Variants in CWC27 observed in about 807,000 individuals in gnomAD.
CWC27 encodes spliceosome-associated protein CWC27 homolog.
CWC27 carries 47 observed loss-of-function variants against 63.6 expected under a neutral mutation model. The observed-to-expected ratio is 0.74, with a 90% CI of 0.58 to 0.94. The LOEUF (loss-of-function observed/expected upper bound fraction) is 0.94. Among genes scored for constraint, CWC27 ranks in the 40% least tolerant of loss-of-function variants. CWC27 has a pLI of 0.00. For missense variants in CWC27, 495 were observed against 554.3 expected (o/e 0.89, Z 1.07); for synonymous variants, 175 against 179.8 (o/e 0.97, Z 0.22).
chr5:65,016,448 C>T (rs1162287587), intron 13 of CWC27, among the ~76,000 whole-genome samples: 1 of 151,740 alleles, frequency 6.6e-6, no homozygotes, highest in African/African-American at 2.4e-5. Context: ...CCATCTGGGG[C>T]AACATAGCAA....
rs536181345 is a variant in CWC27 at position 64,800,215 on chromosome 5, C to T, written c.670-33C>T. The T allele has an allele frequency of 9.4e-6, 13 of 1,378,360 alleles. No individual in the cohort carries two copies. In the East Asian group the frequency reaches 2.4e-4, roughly 25 times the overall value. The allele number at this position is 1,378,360 out of a possible 1,614,324, so 85.4% of individuals were successfully genotyped here. A position where few individuals can be genotyped will look rare whatever the true frequency, so the allele number is the denominator to read the frequency against. On this transcript the variant is annotated intron_variant, in intron 7 of 13. Transcript: ENST00000381070. Reference sequence around the variant, plus strand: ...GTTATTTAGGAATACTGTTTATTTCCCCCCTCATGATTATATTGTACATTC... The same window carrying T: ...GTTATTTAGGAATACTGTTTATTTCTCCCCTCATGATTATATTGTACATTC...
chr5:64,808,050 T>C, intron 10 of CWC27: 1 of 1,320,964 alleles, frequency 7.6e-7, no homozygotes, highest in Non-Finnish European at 9.7e-7. Context: ...TTGTCTCTTT[T>C]CTCTTGAGAC....
At chr5:64,953,990 A>G (rs1748757568) in intron 11 of CWC27, among the ~76,000 whole-genome samples, 1 of 152,174 alleles carries the variant, frequency 6.6e-6, no homozygotes, top group Non-Finnish European at 1.5e-5. Flanking sequence ...CCACTAAAAA[A>G]TTCCTTTCCT....
At chr5:64,844,892 G>A in intron 10 of CWC27, 1 of 456,664 alleles carries the variant, frequency 2.2e-6, no homozygotes, top group Non-Finnish European at 4.4e-6. Context: ...ATTTCTAAGG[G>A]GTACAGCTTC....
At chr5:64,980,152 T>C (rs1272948157) in intron 13 of CWC27, among the ~76,000 whole-genome samples, 1 of 152,204 alleles carries the variant, frequency 6.6e-6, no homozygotes, top group East Asian at 1.9e-4. Context: ...CTAGGATTCC[T>C]CCTTTGTTCA....
At chr5:64,828,037 G>A (rs552429033) in intron 10 of CWC27, among the ~76,000 whole-genome samples, 6 of 152,172 alleles carry the variant, frequency 3.9e-5, no homozygotes, top group Admixed American at 2.0e-4. Context: ...TATACTATGC[G>A]TGCTTTCCGC....
At chr5:64,805,146 T>C (rs528242125) in intron 10 of CWC27, among the ~76,000 whole-genome samples, 59 of 152,098 alleles carry the variant, frequency 3.9e-4, no homozygotes, top group African/African-American at 1.3e-3. Context: ...CTCAACCACA[T>C]GTAGAAAAAC....
chr5:64,981,948 A>G (rs572318062), intron 13 of CWC27, among the ~76,000 whole-genome samples: 29 of 152,252 alleles, frequency 1.9e-4, no homozygotes, highest in Middle Eastern at 3.4e-3. Flanking sequence ...CAGTTTTATT[A>G]TTGCACTTTG....
chr5:64,936,611 G>T (rs1322403663), intron 11 of CWC27, among the ~76,000 whole-genome samples: 1 of 152,120 alleles, frequency 6.6e-6, no homozygotes, highest in Non-Finnish European at 1.5e-5. Context: ...ATGCTGGCCT[G>T]ATAAAATGAG....
chr5:64,896,294 T>C lies in CWC27; in HGVS notation c.1042+10748T>C, dbSNP rs545214576. Among the ~76,000 whole-genome samples, 4 of 152,280 alleles carry C rather than the reference T, an allele frequency of 2.6e-5. No individual in the cohort carries two copies. The South Asian group carries it at 8.3e-4, about 32-fold the overall frequency. ...TGTGGACCTTCACCAAAGGAAATTC[T>C]AAAGGATATACTTATGGCAAAAGTT... On this transcript the variant is annotated intron_variant, in intron 11 of 13. Transcript: ENST00000381070.
intron 10 of CWC27, among the ~76,000 whole-genome samples, chr5:64,879,279 T>C (rs1649777522): frequency 6.6e-6 from 1 of 151,976 alleles, no homozygotes; most frequent in Non-Finnish European, 1.5e-5. Context: ...ATTTGTGGTA[T>C]GTCTAGTGGA....
chr5:64,843,071 A>C (rs140661174), intron 10 of CWC27, among the ~76,000 whole-genome samples: 78 of 152,290 alleles, frequency 5.1e-4, no homozygotes, highest in African/African-American at 1.8e-3. Context: ...TTGTGTAAGG[A>C]TTTTTTGATT....
chr5:64,915,558 G>A (rs1182148505), intron 11 of CWC27, among the ~76,000 whole-genome samples: 2 of 152,002 alleles, frequency 1.3e-5, no homozygotes, highest in African/African-American at 4.8e-5. Context: ...CACACAGACA[G>A]GCAAGAGATG....
At chr5:64,909,894 G>T (rs1432305646) in intron 11 of CWC27, among the ~76,000 whole-genome samples, 1 of 152,134 alleles carries the variant, frequency 6.6e-6, no homozygotes, top group Non-Finnish European at 1.5e-5. Context: ...GCTCAGAGAA[G>T]TTTGTTATTA....
intron 13 of CWC27, among the ~76,000 whole-genome samples, chr5:64,986,088 T>C (rs991976631): frequency 1.3e-5 from 2 of 152,060 alleles, no homozygotes; most frequent in Non-Finnish European, 2.9e-5. Context: ...CATTTCTCTC[T>C]CCTGCCACCA....
At chr5:64,976,532 TTTTA>T (rs950088889) in intron 12 of CWC27, among the ~76,000 whole-genome samples, 2 of 151,898 alleles carry the variant, frequency 1.3e-5, no homozygotes, top group African/African-American at 4.8e-5. Flanking sequence ...TTTTATTTTA[TTTTA>T]TTTATTTATT....
intron 10 of CWC27, among the ~76,000 whole-genome samples, chr5:64,858,226 G>T (rs192757020): frequency 6.8e-6 from 1 of 147,636 alleles, no homozygotes; most frequent in African/African-American, 2.5e-5. Flanking sequence ...TTGTGGGGCC[G>T]AGGCGGGCGG....
chr5:64,930,791 A>G (rs140123820), intron 11 of CWC27, among the ~76,000 whole-genome samples: 16 of 152,302 alleles, frequency 1.1e-4, no homozygotes, highest in Middle Eastern at 3.4e-3. Context: ...TGAGAAGCGT[A>G]TGGACACCAT....
At chr5:64,887,791 T>C (rs941123995) in intron 11 of CWC27, among the ~76,000 whole-genome samples, 1 of 152,200 alleles carries the variant, frequency 6.6e-6, no homozygotes. Flanking sequence ...AATAAATTCA[T>C]AGTCAATTTT....
Sources: gnomAD v4.1 joint callset for allele counts (sites outside exome capture counted in the v4.1 genomes callset) on GRCh38, gnomAD v4.1.1 for gene constraint, MANE v1.5 for transcripts, NCBI Gene and HGNC (gene_info 2026-07-23, HGNC 2026-07-21) for gene names.